Variants in DENND10 observed in about 807,000 individuals in gnomAD.
DENND10 encodes DENN domain-containing protein 10.
A neutral mutation model predicts 43.6 loss-of-function variants in DENND10; 24 were observed. The observed-to-expected ratio is 0.55, with a 90% CI of 0.40 to 0.77. The LOEUF (loss-of-function observed/expected upper bound fraction) is 0.77, where lower values mean the gene tolerates loss of function less well. Ranked by LOEUF, DENND10 falls within the 30% of genes least tolerant of loss-of-function variation. The pLI is 0.00. For synonymous variants in DENND10, 125 were observed against 157.6 expected (o/e 0.79, Z 1.55); for missense variants, 303 against 429.9 (o/e 0.70, Z 2.61).
At chr10:119,125,390 G>C (rs558724537) in intron 6 of DENND10, among the ~76,000 whole-genome samples, 1 of 150,702 alleles carries the variant, frequency 6.6e-6, no homozygotes, top group Non-Finnish European at 1.5e-5. Flanking sequence ...ATGATGTTTT[G>C]ATACAGGCCT....
intron 5 of DENND10, among the ~76,000 whole-genome samples, chr10:119,121,451 T>TA (rs1242105605): frequency 6.8e-6 from 1 of 146,898 alleles, no homozygotes; most frequent in Non-Finnish European, 1.5e-5. Flanking sequence ...GGTCCTTTTT[T>TA]TTTTTTTTTT....
In DENND10 at chr10:119,137,567, T is replaced by C. The variant is rs997572540; in HGVS notation, c.*920T>C. ...TTGTTTGTACTATTTATGTACCTTT[T>C]TCATAACTGGAATTGCCAAATAAGC... On this transcript the variant is annotated 3_prime_UTR_variant, in exon 9 of 9. Transcript: ENST00000361432. 6.0e-6 allele frequency: 1 copy of C among 166,156 alleles called. No individual in the cohort carries two copies. The highest frequency in any genetic ancestry group is 2.4e-5 in the African/African-American group (1 of 41,078). 10.3% of individuals were successfully genotyped at this position (166,156 alleles called of 1,614,324 possible). A position where few individuals can be genotyped will look rare whatever the true frequency, so the allele number is the denominator to read the frequency against.
chr10:119,108,715 C>T (rs993625886), intron 2 of DENND10, among the ~76,000 whole-genome samples: 1 of 150,628 alleles, frequency 6.6e-6, no homozygotes, highest in Admixed American at 6.6e-5. Flanking sequence ...AGTGCAATGG[C>T]GCAATCTCGG....
intron 4 of DENND10, among the ~76,000 whole-genome samples, chr10:119,119,021 T>A (rs1845432209): frequency 6.6e-6 from 1 of 151,606 alleles, no homozygotes; most frequent in African/African-American, 2.4e-5. Flanking sequence ...TTTTTTTTTT[T>A]TTTTTCTTTG....
chr10:119,129,692 T>A, intron 7 of DENND10, 70 bp downstream of exon 7: 1 of 1,117,938 alleles, frequency 8.9e-7, no homozygotes, highest in Non-Finnish European at 1.4e-6. Context: ...GCTGATTCTC[T>A]AAAACCAGTA....
chr10:119,121,844 A>G (rs1845595787), intron 5 of DENND10, among the ~76,000 whole-genome samples: 1 of 152,270 alleles, frequency 6.6e-6, no homozygotes, highest in South Asian at 2.1e-4. Context: ...TATTAAATTT[A>G]CTCATAACAA....
chr10:119,105,452 T>C, intron 1 of DENND10: 3 of 879,308 alleles, frequency 3.4e-6, no homozygotes, highest in Non-Finnish European at 4.6e-6. Context: ...ACCCGATTAA[T>C]TTTTGTATTT....
At chr10:119,130,083 C>T (rs1049074496) in intron 7 of DENND10, among the ~76,000 whole-genome samples, 7 of 151,878 alleles carry the variant, frequency 4.6e-5, no homozygotes, top group African/African-American at 1.7e-4. Context: ...TGGCTCACTG[C>T]AGCCTATGCC....
At chr10:119,130,114 C>T (rs1846014717) in intron 7 of DENND10, among the ~76,000 whole-genome samples, 1 of 151,778 alleles carries the variant, frequency 6.6e-6, no homozygotes, top group Non-Finnish European at 1.5e-5. Flanking sequence ...AGGTGATTGT[C>T]ATGTCTCAGC....
At chr10:119,106,580 C>A (rs960723560) in intron 1 of DENND10, among the ~76,000 whole-genome samples, 2 of 152,096 alleles carry the variant, frequency 1.3e-5, no homozygotes, top group Non-Finnish European at 2.9e-5. Context: ...TGGCCTCAGG[C>A]GATCCTCCTG....
At chr10:119,117,469 A>G (rs368705579) in intron 3 of DENND10, 50 bp from the exon 4 acceptor site, 20 of 1,593,416 alleles carry the variant, frequency 1.3e-5, no homozygotes, top group Middle Eastern at 1.7e-4. Flanking sequence ...ACATCTGTAC[A>G]TGATTTGTGC....
intron 6 of DENND10, among the ~76,000 whole-genome samples, chr10:119,128,489 T>A (rs1184024373): frequency 6.6e-6 from 1 of 151,816 alleles, no homozygotes; most frequent in East Asian, 1.9e-4. Context: ...ACACCTGTAG[T>A]CCCAGCTACT....
At chr10:119,129,481 T>C in intron 6 of DENND10, 34 bp from the exon 7 acceptor site, 3 of 1,410,092 alleles carry the variant, frequency 2.1e-6, no homozygotes, top group Non-Finnish European at 3.0e-6. Context: ...TATTTCTTCC[T>C]ACTCCAGTAA....
chr10:119,135,640 G>T (rs925944710), intron 8 of DENND10, among the ~76,000 whole-genome samples: 6 of 151,730 alleles, frequency 4.0e-5, no homozygotes, highest in African/African-American at 9.7e-5. Flanking sequence ...AGGTTCCCAG[G>T]GGCTAAGCGA....
rs761503064 is a variant in DENND10, at chr10:119,123,495, G to A, written c.620G>A (p.Arg207Gln). ...TRTLPALVWH[R>Q]QDWTILHSYV... is the part of the protein sequence containing the mutation. ...ACTCTGCCTGCCCTGGTGTGGCACC[G>A]ACAGGACTGGACCATCCTTCACTCT... The change falls in exon 6 of 9, where the codon CGA (arginine) becomes CAA (glutamine). Residue 207 changes from arginine (R) to glutamine (Q), a missense_variant. Transcript: ENST00000361432. 15 of 1,613,922 alleles carry A rather than the reference G, an allele frequency of 9.3e-6. No individual in the cohort carries two copies. The highest frequency in any genetic ancestry group is 1.6e-4 in the Middle Eastern group (1 of 6,062).
intron 2 of DENND10, among the ~76,000 whole-genome samples, chr10:119,108,872 C>G (rs572945070): frequency 6.6e-6 from 1 of 151,530 alleles, no homozygotes; most frequent in Non-Finnish European, 1.5e-5. Flanking sequence ...CCAGGCTGGT[C>G]GTGAATTCCT....
chr10:119,135,791 T>TAA lies in DENND10; in HGVS notation c.898-656_898-655dup, dbSNP rs367836571. On this transcript the variant is annotated intron_variant, in intron 8 of 8. Coordinates refer to ENST00000361432, the MANE Select transcript of DENND10 (RefSeq NM_207009.4). ...TACACTCAGAAAATGACTAAAATTG[T>TAA]AAAAAAAAAAAAAAAAAAAAAAAAA... is the stretch of plus-strand genomic sequence containing the variant. 3.0e-3 allele frequency among the ~76,000 whole-genome samples: 191 copies of TAA among 64,020 alleles called. 2 individuals are homozygous for TAA. The highest frequency in any genetic ancestry group is 7.4e-3 in the African/African-American group (125 of 16,990). The allele number at this position is 64,020 out of a possible 152,430, so 42.0% of individuals were successfully genotyped here.
intron 2 of DENND10, among the ~76,000 whole-genome samples, chr10:119,111,374 G>A (rs1268687572): frequency 1.3e-5 from 2 of 151,752 alleles, no homozygotes; most frequent in Non-Finnish European, 2.9e-5. Flanking sequence ...TACTTAAGAG[G>A]CTGAGGCTGG....
intron 7 of DENND10, among the ~76,000 whole-genome samples, chr10:119,131,310 T>G (rs533845154): frequency 6.6e-6 from 1 of 152,070 alleles, no homozygotes; most frequent in Non-Finnish European, 1.5e-5. Context: ...TACAAAAAAT[T>G]AGCCGGGCGT....
Sources: gnomAD v4.1 joint callset for allele counts (sites outside exome capture counted in the v4.1 genomes callset) on GRCh38, gnomAD v4.1.1 for gene constraint, MANE v1.5 for transcripts, NCBI Gene and HGNC (gene_info 2026-07-23, HGNC 2026-07-21) for gene names.